The following RIMS2 variants were observed in gnomAD, a reference collection of about 807,000 sequenced individuals.
RIMS2 encodes regulating synaptic membrane exocytosis 2.
A neutral mutation model predicts 174.4 loss-of-function variants in RIMS2; 59 were observed. That is an observed-to-expected ratio of 0.34 (90% CI 0.27 to 0.42). The LOEUF (loss-of-function observed/expected upper bound fraction) is 0.42. Ranked by LOEUF, RIMS2 falls within the 10% of genes least tolerant of loss-of-function variation. RIMS2 has a pLI of 1.00. For missense variants in RIMS2, 1,620 were observed against 1,666.3 expected, an observed-to-expected ratio of 0.97 and a Z score of 0.48; for synonymous variants, 606 against 572.5, an observed-to-expected ratio of 1.06 and a Z score of -0.84.
intron 1 of RIMS2, among the ~76,000 whole-genome samples, chr8:103,552,898 A>G (rs1424018639): frequency 6.6e-6 from 1 of 152,222 alleles, no homozygotes; most frequent in Non-Finnish European, 1.5e-5. Context: ...ACAATGAGAT[A>G]CCATCTCACA....
At chr8:103,507,977 T>C (rs1297744324) in intron 1 of RIMS2, among the ~76,000 whole-genome samples, 2 of 152,136 alleles carry the variant, frequency 1.3e-5, no homozygotes, top group Non-Finnish European at 2.9e-5. Context: ...GTGTTTTTAG[T>C]ACATTATAAC....
chr8:103,815,231 A>G (rs2098711597), intron 3 of RIMS2, among the ~76,000 whole-genome samples: 3 of 152,098 alleles, frequency 2.0e-5, no homozygotes, highest in Admixed American at 2.0e-4. Flanking sequence ...ACCAATGTAC[A>G]CTCCTACCAA....
intron 19 of RIMS2, among the ~76,000 whole-genome samples, chr8:104,073,024 C>T (rs1024369789): frequency 7.2e-5 from 11 of 152,052 alleles, no homozygotes; most frequent in Non-Finnish European, 1.0e-4. Context: ...GAATGTGATT[C>T]ATCTATTCTT....
intron 1 of RIMS2, among the ~76,000 whole-genome samples, chr8:103,619,261 A>ACTAT (rs71303445): frequency 2.0e-5 from 3 of 151,792 alleles, no homozygotes; most frequent in Non-Finnish European, 4.4e-5. Context: ...TTCTGTAAAA[A>ACTAT]CTATTTCAGA....
At chr8:104,001,595 A>C (rs1428260537) in intron 17 of RIMS2, among the ~76,000 whole-genome samples, 2 of 150,866 alleles carry the variant, frequency 1.3e-5, no homozygotes, top group African/African-American at 4.8e-5. Flanking sequence ...CTGAGTTTGC[A>C]GTGTAACTTT....
rs368694591 is a variant in RIMS2, at chr8:104,090,157, G to A, written c.3334+75542G>A. 2.6e-5 allele frequency among the ~76,000 whole-genome samples: 4 copies of A among 151,590 alleles called. No individual in the cohort carries two copies. The East Asian group carries it at 5.8e-4, about 22-fold the overall frequency. ...TATCTCTTGTCATAGGGCTGTGTGT[G>A]AATAAAAGGCATAAAACCTTTACAC... On this transcript the variant is annotated intron_variant, in intron 19 of 23. Transcript: ENST00000504942.
chr8:104,074,148 A>G (rs1360518272), intron 19 of RIMS2, among the ~76,000 whole-genome samples: 1 of 152,182 alleles, frequency 6.6e-6, no homozygotes, highest in Non-Finnish European at 1.5e-5. Flanking sequence ...GAGGCTTGTT[A>G]CAAGTGGTCA....
intron 19 of RIMS2, among the ~76,000 whole-genome samples, chr8:104,138,813 G>A (rs2098543116): frequency 6.6e-6 from 1 of 152,154 alleles, no homozygotes; most frequent in Non-Finnish European, 1.5e-5. Flanking sequence ...GCCTGAGCTT[G>A]TGAGGTATTA....
chr8:104,066,946 T>C (rs2154561114), intron 19 of RIMS2, among the ~76,000 whole-genome samples: 2 of 152,304 alleles, frequency 1.3e-5, no homozygotes, highest in South Asian at 4.1e-4. Context: ...TAAAATTTGT[T>C]ACTAACAAGA....
At position 103,772,411 on chromosome 8, in the gene RIMS2, T is replaced by C. The variant is rs187242496; in HGVS notation, c.698+5874T>C. Among the ~76,000 whole-genome samples, 299 of 152,114 alleles carry C rather than the reference T, an allele frequency of 2.0e-3. 2 individuals are homozygous for C. Among genetic ancestry groups the C allele is most frequent in the Non-Finnish European group, 2.1e-3 (141 of 67,910 alleles). Reference sequence around the variant, plus strand: ...AAGACCATTAAAAATACAAAATACATTTATACTAGCACCAAAAAATGAAGT... The same window carrying C: ...AAGACCATTAAAAATACAAAATACACTTATACTAGCACCAAAAAATGAAGT... On this transcript the variant is annotated intron_variant, in intron 3 of 23. Transcript: ENST00000504942.
chr8:104,190,400 A>G (rs2098991553), intron 19 of RIMS2, among the ~76,000 whole-genome samples: 1 of 152,086 alleles, frequency 6.6e-6, no homozygotes, highest in Non-Finnish European at 1.5e-5. Context: ...AACTTTTAAT[A>G]TGATTTGGAT....
chr8:103,583,175 T>C (rs910901147), intron 1 of RIMS2, among the ~76,000 whole-genome samples: 1 of 152,060 alleles, frequency 6.6e-6, no homozygotes, highest in Non-Finnish European at 1.5e-5. Context: ...GTTCTTGTTT[T>C]AGATTCTCAA....
intron 1 of RIMS2, among the ~76,000 whole-genome samples, chr8:103,520,110 A>G (rs911054276): frequency 1.8e-4 from 27 of 152,120 alleles, no homozygotes; most frequent in African/African-American, 6.5e-4. Context: ...ACCTTGAGCA[A>G]GTCACTTAAT....
intron 15 of RIMS2, among the ~76,000 whole-genome samples, chr8:103,961,839 AT>A (rs2090194668): frequency 6.6e-6 from 1 of 152,096 alleles, no homozygotes; most frequent in Admixed American, 6.5e-5. Context: ...TGATAACAAT[AT>A]TTTTTTGCCA....
At chr8:103,934,643 C>G (rs948231602) in intron 12 of RIMS2, among the ~76,000 whole-genome samples, 5 of 151,672 alleles carry the variant, frequency 3.3e-5, no homozygotes, top group East Asian at 1.9e-4. Context: ...TCTGTCCTTA[C>G]GAGGAAGTTC....
At chr8:104,030,554 C>CTTAT (rs539378512) in intron 19 of RIMS2, among the ~76,000 whole-genome samples, 14 of 152,106 alleles carry the variant, frequency 9.2e-5, no homozygotes, top group South Asian at 2.1e-4. Flanking sequence ...CTACTTCAAT[C>CTTAT]TTATCTATTA....
chr8:103,956,976 A>T (rs1489409282), intron 14 of RIMS2, among the ~76,000 whole-genome samples: 2 of 152,236 alleles, frequency 1.3e-5, no homozygotes, highest in Admixed American at 1.3e-4. Context: ...GAATACATTT[A>T]TGTGGCCAAC....
At position 104,144,729 on chromosome 8, in the gene RIMS2, T is replaced by C. The variant is rs900070771; in HGVS notation, c.3335-100187T>C. ...TTTTCTGAACACATAATTTTATTTT[T>C]CTTCATATCTCTTCATTCTTCTTTT... On this transcript the variant is annotated intron_variant, in intron 19 of 23. Coordinates refer to ENST00000504942, the Ensembl canonical transcript of RIMS2. Among the ~76,000 whole-genome samples the C allele has an allele frequency of 2.0e-5, 3 of 152,302 alleles. No individual in the cohort carries two copies. In the East Asian group the frequency reaches 5.8e-4, roughly 29 times the overall value.
intron 3 of RIMS2, among the ~76,000 whole-genome samples, chr8:103,834,962 G>T (rs1363204865): frequency 2.0e-5 from 3 of 151,762 alleles, no homozygotes; most frequent in Non-Finnish European, 4.4e-5. Flanking sequence ...GTAGAGACAG[G>T]TTATCGCCAT....
Sources: allele counts gnomAD v4.1 joint callset (sites outside exome capture counted in the v4.1 genomes callset), GRCh38; gene constraint gnomAD v4.1.1; transcripts MANE v1.5; gene names NCBI Gene and HGNC (gene_info 2026-07-23, HGNC 2026-07-21).